CSMD3: variants seen among roughly 807,000 people sequenced by gnomAD.
CSMD3 encodes CUB and sushi domain-containing protein 3.
Under a neutral mutation model 435.2 loss-of-function variants are expected in CSMD3, and 177 were observed. The ratio of observed to expected loss-of-function variants is 0.41; its 90% CI spans 0.36 to 0.46. The LOEUF is 0.46. Among genes scored for constraint, CSMD3 ranks in the 20% least tolerant of loss-of-function variants. CSMD3 has a pLI of 0.34. For missense variants in CSMD3, 4,265 were observed against 4,504.6 expected, an observed-to-expected ratio of 0.95 and a Z score of 1.52; for synonymous variants, 1,656 against 1,520.5, an observed-to-expected ratio of 1.09 and a Z score of -2.07.
At chr8:112,555,645 T>C (rs539561970) in intron 25 of CSMD3, among the ~76,000 whole-genome samples, 1 of 152,160 alleles carries the variant, frequency 6.6e-6, no homozygotes, top group Admixed American at 6.6e-5. Context: ...CATGAATCAA[T>C]GTTTTAATAA....
At chr8:113,320,724 C>G (rs534721888) in intron 1 of CSMD3, among the ~76,000 whole-genome samples, 1 of 152,104 alleles carries the variant, frequency 6.6e-6, no homozygotes, top group East Asian at 1.9e-4. Context: ...TGATGATGCC[C>G]TGCTTTTCTA....
chr8:112,499,162 T>C (rs1026689995), intron 30 of CSMD3, among the ~76,000 whole-genome samples: 2 of 151,888 alleles, frequency 1.3e-5, no homozygotes, highest in African/African-American at 4.8e-5. Flanking sequence ...AGTGGAAGAT[T>C]TTGAAATTAG....
At chr8:112,592,322 T>C (rs1831262165) in intron 22 of CSMD3, among the ~76,000 whole-genome samples, 1 of 152,020 alleles carries the variant, frequency 6.6e-6, no homozygotes, top group Non-Finnish European at 1.5e-5. Flanking sequence ...TATTTTTTCT[T>C]TCTTTTGTTC....
At chr8:112,243,403 T>C (rs1814362392) in intron 65 of CSMD3, among the ~76,000 whole-genome samples, 1 of 152,100 alleles carries the variant, frequency 6.6e-6, no homozygotes, top group South Asian at 2.1e-4. Flanking sequence ...TTGATGACCT[T>C]ACCAAAAACA....
intron 7 of CSMD3, among the ~76,000 whole-genome samples, chr8:112,969,306 G>C (rs1173188908): frequency 6.6e-6 from 1 of 151,876 alleles, no homozygotes; most frequent in Non-Finnish European, 1.5e-5. Flanking sequence ...GATTAAAATT[G>C]CTCACCTAAA....
In CSMD3 at chr8:112,745,386, G is replaced by T. The variant is rs963547789; in HGVS notation, c.1972+54776C>A. Among the ~76,000 whole-genome samples the T allele has an allele frequency of 8.6e-5, 13 of 151,844 alleles. No individual in the cohort carries two copies. The East Asian group carries it at 2.5e-3, about 29-fold the overall frequency. On this transcript the variant is annotated intron_variant, in intron 13 of 70. Transcript: ENST00000297405. ...ATATGTTCCAAATTATAAAAATAATGCAAAATAATATATTTTAAGTATTTT... is the reference window on the plus strand; with the variant it reads ...ATATGTTCCAAATTATAAAAATAATTCAAAATAATATATTTTAAGTATTTT...
intron 12 of CSMD3, among the ~76,000 whole-genome samples, chr8:112,825,855 G>C (rs907223403): frequency 1.3e-5 from 2 of 152,224 alleles, no homozygotes; most frequent in African/African-American, 4.8e-5. Context: ...CACTTTGACT[G>C]TCCCTTGGTG....
intron 27 of CSMD3, among the ~76,000 whole-genome samples, chr8:112,534,911 C>T (rs559807483): frequency 5.6e-4 from 85 of 152,160 alleles, no homozygotes; most frequent in Non-Finnish European, 9.6e-4. Context: ...AGCATATAAA[C>T]GGAACCAAAG....
chr8:112,987,168 T>C (rs1333533330), intron 6 of CSMD3, among the ~76,000 whole-genome samples: 1 of 152,108 alleles, frequency 6.6e-6, no homozygotes, highest in Non-Finnish European at 1.5e-5. Flanking sequence ...TAATCATTAG[T>C]GTAGTTTTAA....
chr8:112,582,745 T>C (rs1007114627), intron 23 of CSMD3, among the ~76,000 whole-genome samples: 9 of 151,960 alleles, frequency 5.9e-5, no homozygotes, highest in African/African-American at 1.9e-4. Context: ...ACCCTCAAGG[T>C]GATGGTATTA....
In CSMD3 at chr8:113,305,866, C is replaced by T. The variant is rs1001494064; in HGVS notation, c.401+8705G>A. Among the ~76,000 whole-genome samples the T allele has an allele frequency of 3.9e-5, 6 of 152,258 alleles. No individual in the cohort carries two copies. The South Asian group carries it at 1.2e-3, about 32-fold the overall frequency. The stretch of plus-strand genomic sequence containing the variant: ...TTTTTTTCTAATTCACTTGCATGCC[C>T]AATGCCCAATGGCAATGCAGTAAGT... On this transcript the variant is annotated intron_variant, in intron 2 of 70. Coordinates refer to ENST00000297405, the MANE Select transcript of CSMD3 (RefSeq NM_198123.2).
At chr8:113,315,676 C>T (rs5011497) in intron 1 of CSMD3, among the ~76,000 whole-genome samples, 18 of 119,242 alleles carry the variant, frequency 1.5e-4, no homozygotes, top group Admixed American at 3.4e-4. Context: ...GTATATTAAA[C>T]ATATATATCA....
chr8:113,075,241 A>C (rs560253079), intron 5 of CSMD3, among the ~76,000 whole-genome samples: 7 of 151,852 alleles, frequency 4.6e-5, no homozygotes, highest in African/African-American at 1.7e-4. Flanking sequence ...TGCCATTGAC[A>C]TCGTGAATCC....
At chr8:113,105,527 G>C (rs1416562674) in intron 4 of CSMD3, among the ~76,000 whole-genome samples, 2 of 152,092 alleles carry the variant, frequency 1.3e-5, no homozygotes, top group Non-Finnish European at 2.9e-5. Flanking sequence ...GCATGCAATT[G>C]GATGAAATTT....
chr8:112,289,668 A>G, intron 56 of CSMD3, 130 bp from the exon 57 acceptor site: 1 of 616,132 alleles, frequency 1.6e-6, no homozygotes, highest in Admixed American at 3.1e-5. Flanking sequence ...GAAATCAAAC[A>G]TCTATGTTGA....
intron 27 of CSMD3, among the ~76,000 whole-genome samples, chr8:112,527,156 GGAGA>G (rs1005094196): frequency 1.8e-4 from 28 of 151,688 alleles, no homozygotes; most frequent in Non-Finnish European, 3.1e-4. Flanking sequence ...TCCAACTAAG[GGAGA>G]GAGATTTTCA....
At chr8:112,909,710 T>C (rs779460465) in intron 10 of CSMD3, among the ~76,000 whole-genome samples, 5 of 151,816 alleles carry the variant, frequency 3.3e-5, no homozygotes, top group African/African-American at 7.2e-5. Context: ...GCAAATGAAG[T>C]GCAGTTCATT....
intron 15 of CSMD3, among the ~76,000 whole-genome samples, chr8:112,684,927 T>C (rs1423656107): frequency 6.6e-6 from 1 of 152,166 alleles, no homozygotes; most frequent in African/African-American, 2.4e-5. Context: ...AGTTAATTAT[T>C]TCCTTTTCTA....
intron 11 of CSMD3, among the ~76,000 whole-genome samples, chr8:112,847,379 G>T (rs145515049): frequency 6.6e-6 from 1 of 152,096 alleles, no homozygotes; most frequent in African/African-American, 2.4e-5. Flanking sequence ...ATCATGGGGT[G>T]CAGAAGTATG....
Sources: gnomAD v4.1 joint callset for allele counts (sites outside exome capture counted in the v4.1 genomes callset) on GRCh38, gnomAD v4.1.1 for gene constraint, MANE v1.5 for transcripts, NCBI Gene and HGNC (gene_info 2026-07-23, HGNC 2026-07-21) for gene names.